The following RIPPLY3 variants were observed in gnomAD, a reference collection of about 807,000 sequenced individuals.
RIPPLY3 encodes ripply transcriptional repressor 3.
In RIPPLY3, 8 loss-of-function variants were observed where a neutral mutation model predicts 11.9. The observed-to-expected ratio is 0.67, with a 90% CI of 0.40 to 1.21. The LOEUF (loss-of-function observed/expected upper bound fraction) is 1.21. Among genes scored for constraint, RIPPLY3 ranks in the 50% most tolerant of loss-of-function variants. The pLI, the probability that RIPPLY3 is intolerant of heterozygous loss-of-function variation, is 0.01. For missense variants in RIPPLY3, 271 were observed against 246.0 expected (o/e 1.10, Z -0.68); for synonymous variants, 102 against 99.0 (o/e 1.03, Z -0.18).
chr21:37,010,649 G>A lies in RIPPLY3; in HGVS notation c.171+2426G>A, dbSNP rs1163921791. On this transcript the variant is annotated intron_variant, in intron 2 of 3. Transcript: ENST00000329553. ...CTGCACCTTTCTTGATCTCTGTTGC[G>A]TTTCCCTCCTGGCCACTTGCGGGCA... Among the ~76,000 whole-genome samples, 4 of 152,274 alleles carry A rather than the reference G, an allele frequency of 2.6e-5. No homozygotes were observed. In the South Asian group the frequency reaches 6.2e-4, roughly 24 times the overall value.
chr21:37,013,945 A>C (rs1396916975), intron 3 of RIPPLY3, among the ~76,000 whole-genome samples: 2 of 152,226 alleles, frequency 1.3e-5, no homozygotes, highest in African/African-American at 2.4e-5. Flanking sequence ...ACAAAAACTT[A>C]TATATTGAGG....
At chr21:37,009,042 G>T (rs2069495539) in intron 2 of RIPPLY3, among the ~76,000 whole-genome samples, 1 of 152,058 alleles carries the variant, frequency 6.6e-6, no homozygotes, top group Admixed American at 6.6e-5. Flanking sequence ...CACTCCTGGG[G>T]TATCTCATGT....
Position 37,006,781 on chromosome 21 carries a change from C to T in RIPPLY3, c.9C>T (p.Pro3=). 1 of 1,231,920 alleles carries T rather than the reference C, an allele frequency of 8.1e-7. No individual in the cohort carries two copies. Among genetic ancestry groups the T allele is most frequent in the Non-Finnish European group, 1.0e-6 (1 of 988,152 alleles). The allele number at this position is 1,231,920 out of a possible 1,614,324, so 76.3% of individuals were successfully genotyped here. A position where few individuals can be genotyped will look rare whatever the true frequency, so the allele number is the denominator to read the frequency against. ME[P]EAAAGARKAR... is the part of the protein sequence containing the mutation. ...CGGGCTCCGCCGGCACCATGGAGCC[C>T]GAAGCGGCGGCCGGAGCCCGGAAGG... The change falls in exon 1 of 4, where the codon CCC becomes CCT. Residue 3 remains proline, a synonymous_variant. Coordinates refer to ENST00000329553, the MANE Select transcript of RIPPLY3 (RefSeq NM_018962.3). This position sits in a 1 kb window ranked among gnomAD's most constrained non-coding sequence, Gnocchi z 5.2.
chr21:37,012,561 A>G (rs536286041), intron 2 of RIPPLY3, among the ~76,000 whole-genome samples: 1 of 151,976 alleles, frequency 6.6e-6, no homozygotes, highest in South Asian at 2.1e-4. Context: ...TCCTGCCCTC[A>G]TCCAGAAGCT....
rs2069618621 is a variant in RIPPLY3 at position 37,019,448 on chromosome 21, A to T, written c.*1241A>T. On this transcript the variant is annotated 3_prime_UTR_variant, in exon 4 of 4. Transcript: ENST00000329553. ...TGGGGCCTGGTATTTTAATAGATGA[A>T]CACTACTTTTTTAATTTTTTATTTT... 6.6e-6 allele frequency: 1 copy of T among 151,968 alleles called. No individual in the cohort carries two copies. Among genetic ancestry groups the T allele is most frequent in the African/African-American group, 2.4e-5 (1 of 41,388 alleles). The allele number at this position is 151,968 out of a possible 1,614,324, so 9.4% of individuals were successfully genotyped here.
chr21:37,008,272 G>A (rs777744084), intron 2 of RIPPLY3, 49 bp downstream of exon 2: 13 of 1,596,940 alleles, frequency 8.1e-6, no homozygotes, highest in Non-Finnish European at 1.0e-5. Flanking sequence ...CCAGAAAGTG[G>A]CATCGTCTTT....
In RIPPLY3 at chr21:37,006,977, G is replaced by A. The variant is rs1369338303; in HGVS notation, c.104+101G>A. On this transcript the variant is annotated intron_variant, in intron 1 of 3. Transcript: ENST00000329553. This position sits in a 1 kb window ranked among gnomAD's most constrained non-coding sequence, Gnocchi z 5.2. Reference sequence around the variant, plus strand: ...GAGGCTGGGGCGCTGCTGAACCCCCGATCCCCAGCGGAGCTCCGGAGCTCG... The same window carrying A: ...GAGGCTGGGGCGCTGCTGAACCCCCAATCCCCAGCGGAGCTCCGGAGCTCG... 8 of 684,786 alleles carry A rather than the reference G, an allele frequency of 1.2e-5. No individual in the cohort carries two copies. The highest frequency in any genetic ancestry group is 4.6e-5 in the Admixed American group (1 of 21,710). 42.4% of individuals were successfully genotyped at this position (684,786 alleles called of 1,614,324 possible).
intron 3 of RIPPLY3, among the ~76,000 whole-genome samples, chr21:37,014,349 G>T (rs2146777811): frequency 6.6e-6 from 1 of 152,162 alleles, no homozygotes; most frequent in African/African-American, 2.4e-5. Context: ...TTGAGTAAAT[G>T]GTTGTCTCCA....
chr21:37,008,993 G>A (rs2146773132), intron 2 of RIPPLY3, among the ~76,000 whole-genome samples: 1 of 152,076 alleles, frequency 6.6e-6, no homozygotes, highest in African/African-American at 2.4e-5. Flanking sequence ...CCCCCACCCC[G>A]CGTCTGGCCC....
chr21:37,010,263 G>C (rs1167049241), intron 2 of RIPPLY3, among the ~76,000 whole-genome samples: 1 of 152,106 alleles, frequency 6.6e-6, no homozygotes, highest in Admixed American at 6.6e-5. Context: ...AGGCCGAGGC[G>C]GTCGGATCAT....
chr21:37,009,077 G>A (rs956416408), intron 2 of RIPPLY3, among the ~76,000 whole-genome samples: 6 of 152,162 alleles, frequency 3.9e-5, no homozygotes, highest in African/African-American at 1.2e-4. Context: ...CACTCAAGCA[G>A]AGGGCTTTGT....
intron 2 of RIPPLY3, among the ~76,000 whole-genome samples, chr21:37,008,556 G>C: frequency 6.6e-6 from 1 of 152,018 alleles, no homozygotes; most frequent in East Asian, 1.9e-4. Context: ...TCAGGAGTTC[G>C]TGACCAGCCT....
chr21:37,009,234 A>ATTTTT (rs5843784), intron 2 of RIPPLY3, among the ~76,000 whole-genome samples: 1 of 147,766 alleles, frequency 6.8e-6, no homozygotes, highest in Non-Finnish European at 1.5e-5. Context: ...CTTTTACTTA[A>ATTTTT]TTTTTTTTTT....
chr21:37,014,448 A>G (rs761245184), intron 3 of RIPPLY3, among the ~76,000 whole-genome samples: 36 of 151,696 alleles, frequency 2.4e-4, no homozygotes, highest in Non-Finnish European at 4.6e-4. Context: ...CAGGATTCTC[A>G]CTGCTGTATC....
chr21:37,008,149 C>A lies in RIPPLY3; in HGVS notation c.105-8C>A, dbSNP rs750846870. 3.1e-6 allele frequency: 5 copies of A among 1,614,080 alleles called. No individual in the cohort carries two copies. The highest frequency in any genetic ancestry group is 1.7e-5 in the Admixed American group (1 of 60,012). Reference sequence around the variant, plus strand: ...GGGTTCACTCTCTCCTGGCGCTTGCCGTTCCAGCCCCGCGCCGTGGCGACC... The same window carrying A: ...GGGTTCACTCTCTCCTGGCGCTTGCAGTTCCAGCCCCGCGCCGTGGCGACC... On this transcript the variant is annotated splice_polypyrimidine_tract_variant and splice_region_variant and intron_variant, in intron 1 of 3. Transcript: ENST00000329553.
upstream of RIPPLY3, chr21:37,006,630 C>G (rs1240495790): frequency 2.3e-6 from 1 of 429,748 alleles, no homozygotes; most frequent in African/African-American, 2.1e-5. The surrounding 1 kb of genome is among the most constrained non-coding windows in gnomAD (Gnocchi z 5.2). Context: ...TCCTCGGGTC[C>G]TGCCCCCTCC....
Position 37,007,400 on chromosome 21 carries a change from C to CTTTTTTTTT in RIPPLY3, c.104+542_104+550dup, listed in dbSNP as rs895853940. On this transcript the variant is annotated intron_variant, in intron 1 of 3. Coordinates refer to ENST00000329553, the MANE Select transcript of RIPPLY3 (RefSeq NM_018962.3). ...TAGCCAGGCAGGAGAAAGATTCCCTCTTTTTTTTTTTTTTTTTTTTTTTTT... is the reference window on the plus strand; with the variant it reads ...TAGCCAGGCAGGAGAAAGATTCCCTCTTTTTTTTTTTTTTTTTTTTTTTTTTTTTTTTTT... 9.0e-4 allele frequency among the ~76,000 whole-genome samples: 78 copies of CTTTTTTTTT among 86,294 alleles called. 11 individuals are homozygous for CTTTTTTTTT. The highest frequency in any genetic ancestry group is 3.7e-3 in the African/African-American group (74 of 19,892). 56.6% of individuals were successfully genotyped at this position (86,294 alleles called of 152,430 possible).
chr21:37,013,543 C>T lies in RIPPLY3; in HGVS notation c.172-8C>T, dbSNP rs967167500. On this transcript the variant is annotated splice_region_variant and splice_polypyrimidine_tract_variant and intron_variant, in intron 2 of 3. Coordinates refer to ENST00000329553, the MANE Select transcript of RIPPLY3 (RefSeq NM_018962.3). Reference sequence around the variant, plus strand: ...TGTCTCTGTGTTTGTATGTGTCTGTCGTTACAGCTTGAACCTAGGGCTGAC... The same window carrying T: ...TGTCTCTGTGTTTGTATGTGTCTGTTGTTACAGCTTGAACCTAGGGCTGAC... The T allele has an allele frequency of 1.4e-5, 23 of 1,612,602 alleles. No homozygotes were observed. Among genetic ancestry groups the T allele is most frequent in the Admixed American group, 3.3e-5 (2 of 59,982 alleles).
intron 2 of RIPPLY3, among the ~76,000 whole-genome samples, chr21:37,011,486 C>T (rs184378450): frequency 5.3e-5 from 8 of 152,170 alleles, no homozygotes; most frequent in African/African-American, 1.9e-4. Flanking sequence ...GCCAAATAGC[C>T]GTTAGCAGGG....
Sources: gnomAD v4.1 joint callset for allele counts (sites outside exome capture counted in the v4.1 genomes callset) on GRCh38, gnomAD v4.1.1 for gene constraint, Gnocchi (gnomAD v3.1) non-coding constraint, MANE v1.5 for transcripts, NCBI Gene and HGNC (gene_info 2026-07-23, HGNC 2026-07-21) for gene names.